The following MAP4K3 variants were observed in gnomAD, a reference collection of about 807,000 sequenced individuals.
The protein encoded by MAP4K3 is MAPK/ERK kinase kinase kinase 3.
MAP4K3 carries 94 observed loss-of-function variants against 143.5 expected under a neutral mutation model. The ratio of observed to expected loss-of-function variants is 0.65; its 90% CI spans 0.55 to 0.78. The LOEUF is 0.78. MAP4K3 is among the 30% of genes least tolerant of loss of function. The pLI, the probability that MAP4K3 is intolerant of heterozygous loss-of-function variation, is 0.00. For missense variants in MAP4K3, 1,077 were observed against 1,068.1 expected (o/e 1.01, Z -0.12); for synonymous variants, 416 against 347.2 (o/e 1.20, Z -2.20).
intron 1 of MAP4K3, among the ~76,000 whole-genome samples, chr2:39,396,017 G>A (rs62136496): frequency 1.2e-3 from 181 of 152,182 alleles, no homozygotes; most frequent in Non-Finnish European, 1.6e-3. Context: ...GGAAATACAG[G>A]TTTGGTTTTT....
At chr2:39,290,930 T>A (rs1477623929) in intron 18 of MAP4K3, among the ~76,000 whole-genome samples, 1 of 151,940 alleles carries the variant, frequency 6.6e-6, no homozygotes, top group Admixed American at 6.6e-5. Flanking sequence ...TACAAAAAAA[T>A]TAGCCAGGTG....
At chr2:39,306,713 G>A (rs550442574) in intron 15 of MAP4K3, among the ~76,000 whole-genome samples, 1 of 152,248 alleles carries the variant, frequency 6.6e-6, no homozygotes, top group South Asian at 2.1e-4. Flanking sequence ...GGTCTGTGCT[G>A]GCAACTGTTT....
intron 32 of MAP4K3, among the ~76,000 whole-genome samples, chr2:39,252,160 T>A (rs904320615): frequency 7.2e-5 from 11 of 152,256 alleles, no homozygotes; most frequent in Non-Finnish European, 1.5e-4. Context: ...AGCAAAGCAC[T>A]AAATCCATTT....
At chr2:39,268,464 G>T (rs919488889) in intron 26 of MAP4K3, among the ~76,000 whole-genome samples, 2 of 151,354 alleles carry the variant, frequency 1.3e-5, no homozygotes, top group Non-Finnish European at 2.9e-5. Flanking sequence ...GGGACTACAG[G>T]TGCCTGCCAT....
At chr2:39,296,987 A>G (rs1682307850) in intron 16 of MAP4K3, among the ~76,000 whole-genome samples, 1 of 152,228 alleles carries the variant, frequency 6.6e-6, no homozygotes, top group Non-Finnish European at 1.5e-5. Flanking sequence ...GGCATTTACT[A>G]CTACTATACT....
At chr2:39,277,892 G>A (rs946084059) in intron 24 of MAP4K3, among the ~76,000 whole-genome samples, 2 of 151,826 alleles carry the variant, frequency 1.3e-5, no homozygotes, top group African/African-American at 2.4e-5. Flanking sequence ...AATAAAAGAC[G>A]CTGGGGTGGG....
At chr2:39,331,683 G>A (rs1683686123) in intron 8 of MAP4K3, among the ~76,000 whole-genome samples, 1 of 151,968 alleles carries the variant, frequency 6.6e-6, no homozygotes, top group South Asian at 2.1e-4. Context: ...AAATATTAAG[G>A]TTTCTGAAAG....
intron 33 of MAP4K3, 143 bp from the exon 34 acceptor site, chr2:39,250,848 G>A: frequency 3.0e-6 from 2 of 664,738 alleles, no homozygotes; most frequent in South Asian, 1.9e-5. Flanking sequence ...TGCTATCACT[G>A]TGATTACAGG....
intron 28 of MAP4K3, among the ~76,000 whole-genome samples, chr2:39,263,339 C>T (rs1452213978): frequency 7.0e-6 from 1 of 142,934 alleles, no homozygotes; most frequent in Non-Finnish European, 1.5e-5. Context: ...GTGGCGCAAT[C>T]TCGGCTCACT....
intron 1 of MAP4K3, among the ~76,000 whole-genome samples, chr2:39,417,232 G>C (rs77048228): frequency 4.5e-4 from 33 of 73,228 alleles, no homozygotes; most frequent in African/African-American, 2.1e-3. Flanking sequence ...TTTTTTTTTT[G>C]TGTGTGAGAC....
intron 20 of MAP4K3, 107 bp from the exon 21 acceptor site, chr2:39,287,071 A>G: frequency 1.7e-6 from 1 of 591,858 alleles, no homozygotes; most frequent in Non-Finnish European, 2.9e-6. Context: ...TAGTGTCATT[A>G]TTCATTTGGG....
chr2:39,316,590 G>C (rs986372607), intron 12 of MAP4K3, among the ~76,000 whole-genome samples: 6 of 151,994 alleles, frequency 3.9e-5, no homozygotes, highest in Non-Finnish European at 5.9e-5. Context: ...AAGGAGAAAG[G>C]GATTGCCACA....
At chr2:39,303,712 T>C (rs1355012504) in intron 15 of MAP4K3, among the ~76,000 whole-genome samples, 2 of 152,182 alleles carry the variant, frequency 1.3e-5, no homozygotes, top group East Asian at 3.9e-4. Context: ...CTAATTTCTG[T>C]ATTTTCAATA....
At chr2:39,305,424 C>T (rs1448564894) in intron 15 of MAP4K3, among the ~76,000 whole-genome samples, 3 of 152,056 alleles carry the variant, frequency 2.0e-5, no homozygotes, top group Non-Finnish European at 4.4e-5. Context: ...TAAAGACTAA[C>T]GAATTTCAGC....
At chr2:39,264,160 G>C (rs1013844467) in intron 28 of MAP4K3, among the ~76,000 whole-genome samples, 1 of 152,168 alleles carries the variant, frequency 6.6e-6, no homozygotes, top group Admixed American at 6.5e-5. Flanking sequence ...TTCCATCTTG[G>C]ATAGAGCATT....
chr2:39,352,780 G>C (rs1665496520), intron 3 of MAP4K3, among the ~76,000 whole-genome samples: 1 of 152,124 alleles, frequency 6.6e-6, no homozygotes, highest in African/African-American at 2.4e-5. Flanking sequence ...TTATATGCTA[G>C]TCATCTACTA....
At chr2:39,285,675 T>C (rs149232948) in intron 21 of MAP4K3, among the ~76,000 whole-genome samples, 3 of 152,336 alleles carry the variant, frequency 2.0e-5, no homozygotes, top group African/African-American at 7.2e-5. Context: ...GTGATGTGCT[T>C]ACTGCAGAAA....
intron 1 of MAP4K3, among the ~76,000 whole-genome samples, chr2:39,420,931 C>A (rs1169064497): frequency 6.6e-6 from 1 of 152,166 alleles, no homozygotes; most frequent in Non-Finnish European, 1.5e-5. Flanking sequence ...CAAAATCTAA[C>A]TCCACATCTT....
chr2:39,378,040 G>GA (rs752679289), intron 2 of MAP4K3, 26 bp downstream of exon 2: 27 of 1,385,738 alleles, frequency 1.9e-5, no homozygotes, highest in African/African-American at 2.9e-5. Flanking sequence ...CTAGCAGTAA[G>GA]AAAAAATGAA....
Sources: allele counts gnomAD v4.1 joint callset (sites outside exome capture counted in the v4.1 genomes callset), GRCh38; gene constraint gnomAD v4.1.1; transcripts MANE v1.5; gene names NCBI Gene and HGNC (gene_info 2026-07-23, HGNC 2026-07-21).